Variants in ABCA13 observed in about 807,000 individuals in gnomAD.
The protein encoded by ABCA13 is ATP-binding cassette sub-family A member 13.
In ABCA13, 476 loss-of-function variants were observed where a neutral mutation model predicts 478.7. The observed-to-expected ratio is 0.99, with a 90% confidence interval of 0.92 to 1.07. The LOEUF (loss-of-function observed/expected upper bound fraction) is 1.07, where lower values mean the gene tolerates loss of function less well. ABCA13 is among the 50% of genes least tolerant of loss of function. ABCA13 has a pLI of 0.00. For missense variants in ABCA13, 6,060 were observed against 5,910.6 expected (o/e 1.03, Z -0.83); for synonymous variants, 2,252 against 2,158.9 (o/e 1.04, Z -1.20).
chr7:48,323,800 A>C (rs1386950102), intron 27 of ABCA13, among the ~76,000 whole-genome samples: 1 of 152,152 alleles, frequency 6.6e-6, no homozygotes, highest in Non-Finnish European at 1.5e-5. Flanking sequence ...CCACGTGTCA[A>C]GGGCAGGGCC....
At chr7:48,444,651 G>A (rs1824046068) in intron 42 of ABCA13, among the ~76,000 whole-genome samples, 1 of 152,018 alleles carries the variant, frequency 6.6e-6, no homozygotes, top group Non-Finnish European at 1.5e-5. Flanking sequence ...GGGTCATTTT[G>A]TCCCTAACTG....
At chr7:48,558,601 A>G (rs750874762) in intron 55 of ABCA13, among the ~76,000 whole-genome samples, 43 of 152,228 alleles carry the variant, frequency 2.8e-4, no homozygotes, top group Middle Eastern at 3.4e-3. Flanking sequence ...CCCAGGAATC[A>G]AATGTATTTT....
Position 48,320,982 on chromosome 7 carries a change from C to T in ABCA13, c.9999+3686C>T, listed in dbSNP as rs80281281. 1.8e-3 allele frequency among the ~76,000 whole-genome samples: 268 copies of T among 152,294 alleles called. 1 individual carries two copies. The highest frequency in any genetic ancestry group is 6.2e-3 in the African/African-American group (257 of 41,562). ...AAATAGTAAACCAATGGGATCTCCT[C>T]CCCTACAAGTGTTATTCCCAGAAAT... is the stretch of plus-strand genomic sequence containing the variant. On this transcript the variant is annotated intron_variant, in intron 27 of 61. Transcript: ENST00000435803.
At chr7:48,562,449 G>A (rs1406408858) in intron 55 of ABCA13, among the ~76,000 whole-genome samples, 1 of 152,074 alleles carries the variant, frequency 6.6e-6, no homozygotes, top group Non-Finnish European at 1.5e-5. Flanking sequence ...CTTTTCTTCA[G>A]ATATCTAGGC....
chr7:48,614,167 C>T (rs996393655), intron 58 of ABCA13, among the ~76,000 whole-genome samples: 1 of 150,584 alleles, frequency 6.6e-6, no homozygotes, highest in African/African-American at 2.4e-5. Context: ...TTCTTCCATG[C>T]CTCCTTCCAT....
At chr7:48,193,187 C>A in intron 2 of ABCA13, 135 bp downstream of exon 2, 1 of 681,798 alleles carries the variant, frequency 1.5e-6, no homozygotes, top group Admixed American at 3.0e-5. Flanking sequence ...ACAATAACAA[C>A]ATATCTGGAG....
chr7:48,408,663 A>G (rs575013997), intron 39 of ABCA13, among the ~76,000 whole-genome samples: 1 of 152,216 alleles, frequency 6.6e-6, no homozygotes, highest in South Asian at 2.1e-4. Context: ...TAATTGACAC[A>G]TGATAATTGC....
intron 42 of ABCA13, among the ~76,000 whole-genome samples, chr7:48,450,386 G>A (rs1313969659): frequency 1.3e-5 from 2 of 152,062 alleles, no homozygotes; most frequent in African/African-American, 4.8e-5. Context: ...AGAAAATTGT[G>A]AAGAAGAATA....
At position 48,591,087 on chromosome 7, in the gene ABCA13, T is replaced by TC. The variant is rs530011726; in HGVS notation, c.14641-3622dup. On this transcript the variant is annotated intron_variant, in intron 57 of 61. Transcript: ENST00000435803. The stretch of plus-strand genomic sequence containing the variant: ...GTCAAGGAGCTCTTCTTTTTTTTTT[T>TC]CTACAAGTTTCATGGTTTCTCATCT... 1.7e-3 allele frequency among the ~76,000 whole-genome samples: 255 copies of TC among 152,022 alleles called. 3 individuals carry two copies. The highest frequency in any genetic ancestry group is 5.7e-3 in the African/African-American group (237 of 41,522).
intron 60 of ABCA13, among the ~76,000 whole-genome samples, chr7:48,643,900 A>G (rs564173586): frequency 1.9e-4 from 29 of 152,202 alleles, no homozygotes; most frequent in African/African-American, 6.7e-4. Flanking sequence ...GCCCCAACCT[A>G]TTGAATGGGA....
At position 48,580,254 on chromosome 7, in the gene ABCA13, G is replaced by C. The variant is rs773638335; in HGVS notation, c.14385G>C (p.Thr4795=). 6.2e-7 allele frequency: 1 copy of C among 1,610,862 alleles called. No homozygotes were observed. Among genetic ancestry groups the C allele is most frequent in the Admixed American group, 1.7e-5 (1 of 59,688 alleles). The change falls in exon 56 of 62, where the codon ACG becomes ACC. Residue 4795 remains threonine, a synonymous_variant. Transcript: ENST00000435803. ...CCGTGGACCTGTCTTCTGCTGGCACGGCAGGCGTGCTCATTGGCTACTGTC... is the reference window on the plus strand; with the variant it reads ...CCGTGGACCTGTCTTCTGCTGGCACCGCAGGCGTGCTCATTGGCTACTGTC... The part of the protein sequence containing the change: ...GDAVDLSSAG[T]AGVLIGYCPQ...
chr7:48,275,709 C>A lies in ABCA13; in HGVS notation c.6043C>A (p.Leu2015Ile). The A allele has an allele frequency of 1.2e-6, 2 of 1,600,680 alleles. No individual in the cohort carries two copies. Among genetic ancestry groups the A allele is most frequent in the Non-Finnish European group, 1.7e-6 (2 of 1,172,830 alleles). ...TVQLISEDWS[L>I]EKSTHNLLSL... The stretch of plus-strand genomic sequence containing the variant: ...ACAATTGATTTCTGAAGACTGGAGC[C>A]TAGAAAAAAGTACGCATAATCTACT... The change falls in exon 17 of 62, where the codon CTA (leucine) becomes ATA (isoleucine). Residue 2015 changes from leucine (L) to isoleucine (I), a missense_variant. By Grantham distance (5) the Leu-to-Ile change is conservative. Around this residue, in one of 3 missense-constraint regions of ABCA13, gnomAD observed 4,423 missense variants for 4,309.1 expected, o/e 1.03. Coordinates refer to ENST00000435803, the MANE Select transcript of ABCA13 (RefSeq NM_152701.5).
chr7:48,377,139 T>C (rs1195699717), intron 35 of ABCA13, among the ~76,000 whole-genome samples: 1 of 151,768 alleles, frequency 6.6e-6, no homozygotes, highest in Non-Finnish European at 1.5e-5. Flanking sequence ...GGTGCCCTTC[T>C]TCCCTGGTGT....
chr7:48,411,039 C>T (rs1288896882), intron 40 of ABCA13, among the ~76,000 whole-genome samples: 6 of 98,474 alleles, frequency 6.1e-5, no homozygotes, highest in African/African-American at 1.9e-4. Context: ...TTCTTTCTTT[C>T]TTTCTTTCTT....
intron 55 of ABCA13, among the ~76,000 whole-genome samples, chr7:48,563,116 G>T (rs576733759): frequency 5.3e-5 from 8 of 152,124 alleles, no homozygotes; most frequent in Non-Finnish European, 1.0e-4. Context: ...AAATATCCAG[G>T]CTATAAAAAG....
At chr7:48,460,875 C>T (rs906541808) in intron 43 of ABCA13, among the ~76,000 whole-genome samples, 1 of 152,160 alleles carries the variant, frequency 6.6e-6, no homozygotes, top group African/African-American at 2.4e-5. Flanking sequence ...CCAGGTTTTG[C>T]AAAATGGTCA....
In ABCA13 at chr7:48,329,984, T is replaced by C. The variant is rs1387469777; in HGVS notation, c.10000-5438T>C. The stretch of plus-strand genomic sequence containing the variant: ...ATCCATCTATCCATCTATGCATCCA[T>C]TCATCTATCCATCCATCCATTTATC... On this transcript the variant is annotated intron_variant, in intron 27 of 61. Transcript: ENST00000435803. Among the ~76,000 whole-genome samples the C allele has an allele frequency of 2.0e-5, 3 of 151,952 alleles. No homozygotes were observed. The East Asian group carries it at 5.9e-4, about 30-fold the overall frequency.
Position 48,489,238 on chromosome 7 carries a change from G to A in ABCA13, c.13185G>A (p.Val4395=). Residue 4395 remains valine, a splice_region_variant and synonymous_variant, in exon 48 of 62, where the codon GTG becomes GTA. Coordinates refer to ENST00000435803, the MANE Select transcript of ABCA13 (RefSeq NM_152701.5). ...TTAAATTATCTTTCTTTTTTTAGGT[G>A]TGGTATAATCAGAAGGGTTTTCATT... ...NISKPPTLAK[V]WYNQKGFHSL... 1.2e-6 allele frequency: 2 copies of A among 1,604,918 alleles called. No homozygotes were observed. Among genetic ancestry groups the A allele is most frequent in the Non-Finnish European group, 1.7e-6 (2 of 1,173,816 alleles).
chr7:48,383,183 T>C (rs1814658101), intron 35 of ABCA13, among the ~76,000 whole-genome samples: 1 of 152,206 alleles, frequency 6.6e-6, no homozygotes, highest in Non-Finnish European at 1.5e-5. Flanking sequence ...AAAACAAGGA[T>C]ACAACTAATA....
Sources: allele counts gnomAD v4.1 joint callset (sites outside exome capture counted in the v4.1 genomes callset), GRCh38; gene constraint gnomAD v4.1.1; regional missense constraint gnomAD v4.1.1; transcripts MANE v1.5; gene names NCBI Gene and HGNC (gene_info 2026-07-23, HGNC 2026-07-21).